Variants in MAPKBP1 observed in about 807,000 individuals in gnomAD.
MAPKBP1 encodes the protein mitogen-activated protein kinase binding protein 1.
Under a neutral mutation model 170.5 loss-of-function variants are expected in MAPKBP1, and 71 were observed. The ratio of observed to expected loss-of-function variants is 0.42; its 90% CI spans 0.34 to 0.51. The LOEUF is 0.51. Among genes scored for constraint, MAPKBP1 ranks in the 20% least tolerant of loss-of-function variants. The pLI, the probability that MAPKBP1 is intolerant of heterozygous loss-of-function variation, is 0.06. For missense variants in MAPKBP1, 1,598 were observed against 1,933.0 expected, an observed-to-expected ratio of 0.83 and a Z score of 3.25; for synonymous variants, 719 against 757.9, an observed-to-expected ratio of 0.95 and a Z score of 0.84.
At position 41,810,961 on chromosome 15, in the gene MAPKBP1, T is replaced by C. The variant is rs1000088224; in HGVS notation, c.269+16T>C. The stretch of plus-strand genomic sequence containing the variant: ...ACAGTTCCAGGTAAATGGGCTGGGG[T>C]CCTCAGGATACCTCTTCCTTCTGGG... On this transcript the variant is annotated intron_variant, in intron 4 of 30. Coordinates refer to ENST00000457542, the MANE Select transcript of MAPKBP1 (RefSeq NM_014994.3). 1.9e-6 allele frequency: 3 copies of C among 1,613,836 alleles called. No homozygotes were observed. Among genetic ancestry groups the C allele is most frequent in the Non-Finnish European group, 2.5e-6 (3 of 1,179,910 alleles).
Position 41,827,779 on chromosome 15 carries a change from T to G in MAPKBP1, c.*2343T>G, listed in dbSNP as rs1367885108. ...GCTTCCTGCCTCATCCTCGGCTGCA[T>G]GGGGCGGGGGCGCTGTTTTTAACGT... On this transcript the variant is annotated 3_prime_UTR_variant, in exon 31 of 31. Coordinates refer to ENST00000457542, the MANE Select transcript of MAPKBP1 (RefSeq NM_014994.3). The G allele has an allele frequency of 1.3e-5, 3 of 236,440 alleles. No individual in the cohort carries two copies. Among genetic ancestry groups the G allele is most frequent in the African/African-American group, 2.3e-5 (1 of 44,376 alleles). 14.6% of individuals were successfully genotyped at this position (236,440 alleles called of 1,614,324 possible).
Position 41,817,518 on chromosome 15 carries a change from C to T in MAPKBP1, c.1782+60C>T. 1 of 1,613,776 alleles carries T rather than the reference C, an allele frequency of 6.2e-7. No individual in the cohort carries two copies. Among genetic ancestry groups the T allele is most frequent in the African/African-American group, 1.3e-5 (1 of 75,052 alleles). On this transcript the variant is annotated intron_variant, in intron 15 of 30. Coordinates refer to ENST00000457542, the MANE Select transcript of MAPKBP1 (RefSeq NM_014994.3). The surrounding 1 kb of genome is among the most constrained non-coding windows in gnomAD (Gnocchi z 4.2). ...CAGGGCGGGGTCTGCCATTCCCTGC[C>T]TAAGGTTACAAGAGGTGAAGGGAGG...
chr15:41,793,195 G>C (rs544891479), intron 2 of MAPKBP1, among the ~76,000 whole-genome samples: 68 of 152,250 alleles, frequency 4.5e-4, no homozygotes, highest in Admixed American at 2.5e-3. Context: ...TAATAAGAAC[G>C]CTAATATGTG....
intron 3 of MAPKBP1, among the ~76,000 whole-genome samples, chr15:41,807,233 A>G: frequency 6.6e-6 from 1 of 152,084 alleles, no homozygotes; most frequent in African/African-American, 2.4e-5. Context: ...ACACACACAC[A>G]TGCATCATTC....
rs762243004 is a variant in MAPKBP1, at chr15:41,819,326, A to C, written c.2372A>C (p.Glu791Ala). The change falls in exon 21 of 31, where the codon GAA (glutamate) becomes GCA (alanine). Residue 791 changes from glutamate to alanine, a missense_variant. Glu to Ala is a moderately radical substitution (Grantham distance 107). Coordinates refer to ENST00000457542, the MANE Select transcript of MAPKBP1 (RefSeq NM_014994.3). ...AAGGAGGGAGAAGATGAGGGGACTG[A>C]AGAAGAACTTCCAGCACTGCCCGTC... ...SDKEGEDEGTEEELPALPVLA... is the reference protein window; with the variant it reads ...SDKEGEDEGTAEELPALPVLA... 2 of 1,614,026 alleles carry C rather than the reference A, an allele frequency of 1.2e-6. No homozygotes were observed. Among genetic ancestry groups the C allele is most frequent in the Non-Finnish European group, 1.7e-6 (2 of 1,179,998 alleles).
chr15:41,777,602 G>A (rs2064119642), intron 2 of MAPKBP1, among the ~76,000 whole-genome samples: 3 of 152,168 alleles, frequency 2.0e-5, no homozygotes, highest in African/African-American at 7.2e-5. Context: ...AATGACTGGT[G>A]CATATCTTTA....
intron 3 of MAPKBP1, among the ~76,000 whole-genome samples, chr15:41,803,477 G>A (rs2064637083): frequency 6.7e-6 from 1 of 150,350 alleles, no homozygotes; most frequent in Non-Finnish European, 1.5e-5. Flanking sequence ...AAGCCAAGGT[G>A]GGAGGATTGC....
In MAPKBP1 at chr15:41,811,689, T is replaced by C. The variant is rs976827867; in HGVS notation, c.328-268T>C. The C allele has an allele frequency of 4.6e-6, 3 of 657,728 alleles. No homozygotes were observed. The African/African-American group carries it at 5.3e-5, about 12-fold the overall frequency. The allele number at this position is 657,728 out of a possible 1,614,324, so 40.7% of individuals were successfully genotyped here. ...AGTGGCTCTCAATGCCGGCTGCCCATCAGAACCATTCAGGGAGCTTTGAAC... is the reference window on the plus strand; with the variant it reads ...AGTGGCTCTCAATGCCGGCTGCCCACCAGAACCATTCAGGGAGCTTTGAAC... On this transcript the variant is annotated intron_variant, in intron 5 of 30. Coordinates refer to ENST00000457542, the MANE Select transcript of MAPKBP1 (RefSeq NM_014994.3).
chr15:41,826,934 T>C lies in MAPKBP1; in HGVS notation c.*1498T>C, dbSNP rs573955041. 6.6e-6 allele frequency: 1 copy of C among 152,378 alleles called. No individual in the cohort carries two copies. Among genetic ancestry groups the C allele is most frequent in the Admixed American group, 6.5e-5 (1 of 15,302 alleles). The allele number at this position is 152,378 out of a possible 1,614,324, so 9.4% of individuals were successfully genotyped here. On this transcript the variant is annotated 3_prime_UTR_variant, in exon 31 of 31. Transcript: ENST00000457542. ...TGCTGCAGGTAAGTCAGAGCAGCTT[T>C]ACCACAGCTTCAGGCCACGAGAGCC... is the stretch of plus-strand genomic sequence containing the variant.
intron 2 of MAPKBP1, among the ~76,000 whole-genome samples, chr15:41,776,436 G>T (rs1297955143): frequency 6.6e-6 from 1 of 152,192 alleles, no homozygotes; most frequent in African/African-American, 2.4e-5. Flanking sequence ...TGGTAAGAAG[G>T]TGAAGAGCTT....
At chr15:41,788,281 T>G (rs1222789544) in intron 2 of MAPKBP1, among the ~76,000 whole-genome samples, 5 of 152,158 alleles carry the variant, frequency 3.3e-5, no homozygotes, top group Admixed American at 3.3e-4. Context: ...TTAAAAATGT[T>G]TTTGAGTATT....
Position 41,808,514 on chromosome 15 carries a change from C to T in MAPKBP1, c.207-2369C>T, listed in dbSNP as rs554301917. Among the ~76,000 whole-genome samples the T allele has an allele frequency of 8.6e-5, 13 of 150,756 alleles. No individual in the cohort carries two copies. In the South Asian group the frequency reaches 1.9e-3, roughly 22 times the overall value. On this transcript the variant is annotated intron_variant, in intron 3 of 30. Transcript: ENST00000457542. ...TTTTGAGACAGAGTCTAGTTCTTGT[C>T]GCCCAGGCTGGACTGCAATGGCATG...
chr15:41,821,722 C>T lies in MAPKBP1; in HGVS notation c.2857C>T (p.Pro953Ser), dbSNP rs769095023. 5.6e-6 allele frequency: 9 copies of T among 1,614,076 alleles called. No homozygotes were observed. In the South Asian group the frequency reaches 9.9e-5, roughly 18 times the overall value. ...PIEDGIVYPEPSDNPTMDTSE... is the reference protein window; with the variant it reads ...PIEDGIVYPESSDNPTMDTSE... ...TGAAGATGGTATTGTCTACCCGGAG[C>T]CGAGTGACAACCCCACCATGGATAC... Residue 953 changes from proline (P) to serine (S), a missense_variant, in exon 24 of 31, where the codon CCG becomes TCG. Around this residue, in one of 6 missense-constraint regions of MAPKBP1, gnomAD observed 942 missense variants for 953.2 expected, o/e 0.99. Coordinates refer to ENST00000457542, the MANE Select transcript of MAPKBP1 (RefSeq NM_014994.3).
In MAPKBP1 at chr15:41,823,417, G is replaced by A. The variant is rs1596101287; in HGVS notation, c.3599-30G>A. ...ACCTGGGATGCCTTCCTCAACACCT[G>A]ACCTGTGTATACCTCTGTCTCCTTT... On this transcript the variant is annotated intron_variant, in intron 28 of 30. Coordinates refer to ENST00000457542, the MANE Select transcript of MAPKBP1 (RefSeq NM_014994.3). 26 of 1,588,200 alleles carry A rather than the reference G, an allele frequency of 1.6e-5. No individual in the cohort carries two copies. In the East Asian group the frequency reaches 5.8e-4, roughly 36 times the overall value.
intron 11 of MAPKBP1, 50 bp from the exon 12 acceptor site, chr15:41,815,574 C>G (rs1346630411): frequency 6.3e-7 from 1 of 1,579,078 alleles, no homozygotes; most frequent in Non-Finnish European, 8.6e-7. Flanking sequence ...CCCCTTGCAG[C>G]TGTACTGGTC....
At chr15:41,825,185 T>C (rs748297746) in intron 30 of MAPKBP1, 24 bp from the exon 31 acceptor site, 1 of 1,553,114 alleles carries the variant, frequency 6.4e-7, no homozygotes, top group Non-Finnish European at 8.8e-7. Flanking sequence ...CTCCTCCACC[T>C]CACTTCTGGG....
At chr15:41,822,856 C>T in intron 27 of MAPKBP1, 83 bp from the exon 28 acceptor site, 1 of 1,518,280 alleles carries the variant, frequency 6.6e-7, no homozygotes, top group Non-Finnish European at 8.9e-7. Flanking sequence ...TCCTAGTGCC[C>T]TGGTGCTATG....
chr15:41,775,503 G>A, intron 2 of MAPKBP1, 114 bp downstream of exon 2: 1 of 767,900 alleles, frequency 1.3e-6, no homozygotes, highest in Non-Finnish European at 2.2e-6. Context: ...TGACTCTAAA[G>A]GATCACATAT....
At position 41,783,992 on chromosome 15, in the gene MAPKBP1, G is replaced by GAGCAAAACTCCGT. The variant is rs1411807717; in HGVS notation, c.114+8604_114+8616dup. Reference sequence around the variant, plus strand: ...CCACTGCACTCCAGCCTGGGTGACAGAGCAAAACTCCGTCTCAAAAAAAAG... The same window carrying GAGCAAAACTCCGT: ...CCACTGCACTCCAGCCTGGGTGACAGAGCAAAACTCCGTAGCAAAACTCCGTCTCAAAAAAAAG... On this transcript the variant is annotated intron_variant, in intron 2 of 30. Coordinates refer to ENST00000457542, the MANE Select transcript of MAPKBP1 (RefSeq NM_014994.3). Among the ~76,000 whole-genome samples, 6 of 152,190 alleles carry GAGCAAAACTCCGT rather than the reference G, an allele frequency of 3.9e-5. No homozygotes were observed. In the East Asian group the frequency reaches 1.2e-3, roughly 29 times the overall value.
Sources: gnomAD v4.1 joint callset for allele counts (sites outside exome capture counted in the v4.1 genomes callset) on GRCh38, gnomAD v4.1.1 for gene constraint, gnomAD v4.1.1 regional missense constraint, Gnocchi (gnomAD v3.1) non-coding constraint, MANE v1.5 for transcripts, NCBI Gene and HGNC (gene_info 2026-07-23, HGNC 2026-07-21) for gene names.